TULP4: variants seen among roughly 807,000 people sequenced by gnomAD.
TULP4 encodes the protein TUB like protein 4.
A neutral mutation model predicts 129.0 loss-of-function variants in TULP4; 16 were observed. The ratio of observed to expected loss-of-function variants is 0.12; its 90% CI spans 0.08 to 0.19. TULP4 has a LOEUF of 0.19. Ranked by LOEUF, TULP4 falls within the 10% of genes least tolerant of loss-of-function variation. The pLI, the probability that TULP4 is intolerant of heterozygous loss-of-function variation, is 1.00. For synonymous variants in TULP4, 998 were observed against 854.0 expected (o/e 1.17, Z -2.94); for missense variants, 1,842 against 2,059.1 (o/e 0.89, Z 2.04).
At chr6:158,469,834 G>C (rs531980947) in intron 6 of TULP4, among the ~76,000 whole-genome samples, 1 of 151,912 alleles carries the variant, frequency 6.6e-6, no homozygotes, top group East Asian at 1.9e-4. Flanking sequence ...CAGAAGGAAG[G>C]AGATGGAAGA....
intron 9 of TULP4, among the ~76,000 whole-genome samples, chr6:158,492,219 C>CA (rs2128256586): frequency 6.6e-6 from 1 of 152,290 alleles, no homozygotes; most frequent in African/African-American, 2.4e-5. Context: ...TATAGTCCAG[C>CA]ACGTGGCATT....
At chr6:158,321,578 A>G (rs1439196293) in intron 1 of TULP4, among the ~76,000 whole-genome samples, 2 of 152,026 alleles carry the variant, frequency 1.3e-5, no homozygotes, top group Non-Finnish European at 2.9e-5. Flanking sequence ...CTGTTTCCCC[A>G]TTTTAGTAGA....
intron 2 of TULP4, among the ~76,000 whole-genome samples, chr6:158,427,660 A>G (rs1778532073): frequency 6.6e-6 from 1 of 151,300 alleles, no homozygotes. Context: ...TGCCCAGCTA[A>G]TTTTTGTATT....
chr6:158,506,895 GTTCTTCTT>G lies in TULP4; in HGVS notation c.*211_*218del. 1 of 566,258 alleles carries G rather than the reference GTTCTTCTT, an allele frequency of 1.8e-6. No homozygotes were observed. Among genetic ancestry groups the G allele is most frequent in the Non-Finnish European group, 3.1e-6 (1 of 317,892 alleles). The allele number at this position is 566,258 out of a possible 1,614,324, so 35.1% of individuals were successfully genotyped here. A position where few individuals can be genotyped will look rare whatever the true frequency, so the allele number is the denominator to read the frequency against. On this transcript the variant is annotated 3_prime_UTR_variant, in exon 14 of 14. Coordinates refer to ENST00000367097, the MANE Select transcript of TULP4 (RefSeq NM_020245.5). ...TGGGTTTTATTACCTTTTATTGTCT[GTTCTTCTT>G]TTCTTCTTTCATTTCAGTGGCATTT...
In TULP4 at chr6:158,468,047, C is replaced by G. The variant is rs144398010; in HGVS notation, c.1026+6318C>G. The stretch of plus-strand genomic sequence containing the variant: ...AAAAGTACACTGACACACAGATACT[C>G]TGCTTTGCCAGTCCAGCTGTGTGGG... On this transcript the variant is annotated intron_variant, in intron 6 of 13. Coordinates refer to ENST00000367097, the MANE Select transcript of TULP4 (RefSeq NM_020245.5). Among the ~76,000 whole-genome samples, 1,516 of 152,334 alleles carry G rather than the reference C, an allele frequency of 1.0e-2. 28 individuals are homozygous for G. The highest frequency in any genetic ancestry group is 0.033 in the African/African-American group (1,390 of 41,564).
At chr6:158,411,321 G>T (rs184945977) in intron 1 of TULP4, among the ~76,000 whole-genome samples, 6 of 152,096 alleles carry the variant, frequency 3.9e-5, no homozygotes, top group South Asian at 4.1e-4. Context: ...ACAGACCTGT[G>T]GGGGGTGGGT....
chr6:158,321,616 C>A (rs549002022), intron 1 of TULP4, among the ~76,000 whole-genome samples: 150 of 152,256 alleles, frequency 9.9e-4, no homozygotes, highest in African/African-American at 3.5e-3. Context: ...GTCAGTTCAG[C>A]TCTCAACTCA....
At chr6:158,485,385 A>G (rs1047150264) in intron 8 of TULP4, among the ~76,000 whole-genome samples, 7 of 152,244 alleles carry the variant, frequency 4.6e-5, no homozygotes, top group Admixed American at 2.6e-4. Flanking sequence ...TACCAAAGTT[A>G]TGGCTGGACT....
intron 8 of TULP4, among the ~76,000 whole-genome samples, chr6:158,483,354 A>G (rs1014090544): frequency 1.3e-5 from 2 of 152,156 alleles, no homozygotes; most frequent in African/African-American, 4.8e-5. Flanking sequence ...GGATGGAGGG[A>G]CAGGGTCTTG....
upstream of TULP4, among the ~76,000 whole-genome samples, chr6:158,309,460 A>G (rs369889749): frequency 6.8e-6 from 1 of 147,268 alleles, no homozygotes; most frequent in African/African-American, 2.6e-5. Context: ...GCGGCCAGGC[A>G]GAGACGCTCC....
intron 1 of TULP4, among the ~76,000 whole-genome samples, chr6:158,367,003 T>A (rs1471474744): frequency 6.6e-6 from 1 of 152,122 alleles, no homozygotes; most frequent in East Asian, 1.9e-4. Context: ...GCTTTTCCAG[T>A]TTTATTTGCC....
intron 1 of TULP4, among the ~76,000 whole-genome samples, chr6:158,390,661 A>C (rs1777564300): frequency 6.6e-6 from 1 of 152,236 alleles, no homozygotes. Context: ...GATCGAACGA[A>C]GCCTGTGTAC....
intron 2 of TULP4, among the ~76,000 whole-genome samples, chr6:158,421,582 A>G (rs929276102): frequency 6.6e-6 from 1 of 152,180 alleles, no homozygotes; most frequent in African/African-American, 2.4e-5. Flanking sequence ...GTCCTTAGAG[A>G]CAGTAGGATG....
intron 1 of TULP4, among the ~76,000 whole-genome samples, chr6:158,375,849 G>A (rs913460521): frequency 5.9e-5 from 9 of 152,218 alleles, no homozygotes; most frequent in Admixed American, 2.0e-4. Flanking sequence ...AGTAGTGGGG[G>A]CAAAGAATAG....
At position 158,503,139 on chromosome 6, in the gene TULP4, A is replaced by T; in HGVS notation, c.3476A>T (p.Gln1159Leu). The T allele has an allele frequency of 6.2e-7, 1 of 1,613,808 alleles. No homozygotes were observed. Among genetic ancestry groups the T allele is most frequent in the Non-Finnish European group, 8.5e-7 (1 of 1,179,776 alleles). ...KLSSLMLSQG[Q>L]HLDVSRLPFI... is the part of the protein sequence containing the mutation. Reference sequence around the variant, plus strand: ...TCCTCTCTGATGCTGAGTCAGGGCCAGCACCTGGACGTGTCCCGACTGCCC... The same window carrying T: ...TCCTCTCTGATGCTGAGTCAGGGCCTGCACCTGGACGTGTCCCGACTGCCC... The change falls in exon 13 of 14, where the codon CAG (glutamine) becomes CTG (leucine). Residue 1159 changes from glutamine (Q) to leucine (L), a missense_variant. This residue lies in a region of TULP4 where 1,089 missense variants were observed against 987.1 expected (regional missense o/e 1.10). Transcript: ENST00000367097. This position sits in a 1 kb window ranked among gnomAD's most constrained non-coding sequence, Gnocchi z 4.3.
chr6:158,453,653 G>C (rs1180451739), intron 5 of TULP4, among the ~76,000 whole-genome samples: 1 of 151,768 alleles, frequency 6.6e-6, no homozygotes, highest in Non-Finnish European at 1.5e-5. Context: ...GCTGGGCGTG[G>C]TAGCAGGTGC....
intron 1 of TULP4, among the ~76,000 whole-genome samples, chr6:158,254,494 A>G (rs1778209965): frequency 6.6e-6 from 1 of 152,172 alleles, no homozygotes; most frequent in Non-Finnish European, 1.5e-5. Flanking sequence ...CACATACTTC[A>G]GTTTGGCCAG....
At position 158,365,881 on chromosome 6, in the gene TULP4, T is replaced by C. The variant is rs9689194; in HGVS notation, c.253-47184T>C. 3.2e-3 allele frequency among the ~76,000 whole-genome samples: 311 copies of C among 97,086 alleles called. 2 individuals are homozygous for C. The highest frequency in any genetic ancestry group is 0.011 in the African/African-American group (282 of 25,942). 63.7% of individuals were successfully genotyped at this position (97,086 alleles called of 152,430 possible). ...TGAGTTTTGGTTCGTTTTTCTTTTT[T>C]TTTTTTTCTTTTTCTTTCTTTTTTT... On this transcript the variant is annotated intron_variant, in intron 1 of 13. Coordinates refer to ENST00000367097, the MANE Select transcript of TULP4 (RefSeq NM_020245.5).
chr6:158,385,619 T>C (rs375892024), intron 1 of TULP4, among the ~76,000 whole-genome samples: 5 of 149,928 alleles, frequency 3.3e-5, no homozygotes, highest in Non-Finnish European at 5.9e-5. Context: ...TATAATTATA[T>C]ACATATTATA....
Sources: allele counts gnomAD v4.1 joint callset (sites outside exome capture counted in the v4.1 genomes callset), GRCh38; gene constraint gnomAD v4.1.1; regional missense constraint gnomAD v4.1.1; non-coding constraint Gnocchi (gnomAD v3.1); transcripts MANE v1.5; gene names NCBI Gene and HGNC (gene_info 2026-07-23, HGNC 2026-07-21).